Variants in TMC1 observed in about 807,000 individuals in gnomAD.
TMC1 encodes the protein transmembrane channel-like protein 1.
TMC1 carries 84 observed loss-of-function variants against 105.8 expected under a neutral mutation model. The ratio of observed to expected loss-of-function variants is 0.79; its 90% CI spans 0.67 to 0.95. The LOEUF is 0.95. TMC1 is among the 40% of genes least tolerant of loss of function. The pLI, the probability that TMC1 is intolerant of heterozygous loss-of-function variation, is 0.00. For missense variants in TMC1, 817 were observed against 914.1 expected, an observed-to-expected ratio of 0.89 and a Z score of 1.37; for synonymous variants, 315 against 311.5, an observed-to-expected ratio of 1.01 and a Z score of -0.12.
intron 17 of TMC1, among the ~76,000 whole-genome samples, chr9:72,793,480 A>G (rs1023954994): frequency 6.6e-6 from 1 of 152,202 alleles, no homozygotes; most frequent in African/African-American, 2.4e-5. Flanking sequence ...GCAGACCCTG[A>G]GCACAGCATA....
chr9:72,803,137 A>G (rs1390158144), intron 17 of TMC1, among the ~76,000 whole-genome samples: 1 of 152,238 alleles, frequency 6.6e-6, no homozygotes, highest in Non-Finnish European at 1.5e-5. Flanking sequence ...TGGGGAAAGG[A>G]TTCGCTATTT....
intron 2 of TMC1, among the ~76,000 whole-genome samples, chr9:72,589,243 G>A (rs1353988099): frequency 6.6e-6 from 1 of 152,192 alleles, no homozygotes; most frequent in Non-Finnish European, 1.5e-5. Context: ...ACTTGCTAGA[G>A]GCTCAGTGTG....
At chr9:72,559,092 A>G (rs7866304) in intron 1 of TMC1, among the ~76,000 whole-genome samples, 79,668 of 151,048 alleles carry the variant, frequency 0.53, 21,929 homozygotes, top group African/African-American at 0.7. Flanking sequence ...AGCCTGGAAG[A>G]TTTTTCTTTT....
At chr9:72,585,832 G>A (rs1173441927) in intron 2 of TMC1, among the ~76,000 whole-genome samples, 1 of 152,164 alleles carries the variant, frequency 6.6e-6, no homozygotes, top group Admixed American at 6.5e-5. Flanking sequence ...AGAGGTGAGT[G>A]TGGAGTGGAT....
At chr9:72,722,605 A>G (rs945130698) in intron 8 of TMC1, among the ~76,000 whole-genome samples, 3 of 152,208 alleles carry the variant, frequency 2.0e-5, no homozygotes, top group Non-Finnish European at 2.9e-5. Context: ...AACGTATCAC[A>G]TAGCTCTTTA....
chr9:72,799,720 C>T (rs1173120746), intron 17 of TMC1, among the ~76,000 whole-genome samples: 1 of 152,062 alleles, frequency 6.6e-6, no homozygotes, highest in East Asian at 1.9e-4. Context: ...GCTTGTGATT[C>T]AGGATGTGGT....
chr9:72,580,180 C>G (rs2132098134), intron 2 of TMC1, among the ~76,000 whole-genome samples: 1 of 152,254 alleles, frequency 6.6e-6, no homozygotes, highest in South Asian at 2.1e-4. Context: ...GGGTAGGGTC[C>G]AGGAATATGC....
rs182748276 is a variant in TMC1 at position 72,610,003 on chromosome 9, T to G, written c.-305-6365T>G. ...TGTAACTTTTCATTTTTGTTACACATCTATTGACTCTACTGCTCAGTGAAC... is the reference window on the plus strand; with the variant it reads ...TGTAACTTTTCATTTTTGTTACACAGCTATTGACTCTACTGCTCAGTGAAC... On this transcript the variant is annotated intron_variant, in intron 2 of 23. Coordinates refer to ENST00000297784, the MANE Select transcript of TMC1 (RefSeq NM_138691.3). 1.7e-3 allele frequency among the ~76,000 whole-genome samples: 254 copies of G among 152,298 alleles called. 1 individual carries two copies. The highest frequency in any genetic ancestry group is 5.9e-3 in the African/African-American group (246 of 41,562).
intron 8 of TMC1, among the ~76,000 whole-genome samples, chr9:72,734,947 T>A (rs1252807949): frequency 6.6e-6 from 1 of 152,190 alleles, no homozygotes; most frequent in Non-Finnish European, 1.5e-5. Context: ...GTAATCGTGG[T>A]TGTATCATGT....
intron 13 of TMC1, among the ~76,000 whole-genome samples, chr9:72,783,473 A>C (rs534381040): frequency 1.3e-5 from 2 of 152,308 alleles, no homozygotes; most frequent in East Asian, 3.9e-4. Flanking sequence ...TCAGCAAGCC[A>C]GCTTACCCCA....
chr9:72,733,855 T>C (rs911222773), intron 8 of TMC1, among the ~76,000 whole-genome samples: 1 of 152,162 alleles, frequency 6.6e-6, no homozygotes, highest in South Asian at 2.1e-4. Context: ...CTTTTTTTTT[T>C]CTGCCCTCAT....
intron 1 of TMC1, among the ~76,000 whole-genome samples, chr9:72,523,951 A>T (rs1823360017): frequency 6.6e-6 from 1 of 152,234 alleles, no homozygotes; most frequent in Admixed American, 6.5e-5. Flanking sequence ...CTGAAATTGC[A>T]GCCACAAGTC....
intron 1 of TMC1, among the ~76,000 whole-genome samples, chr9:72,545,201 T>C (rs558464920): frequency 4.2e-4 from 58 of 136,788 alleles, no homozygotes; most frequent in South Asian, 2.6e-3. Context: ...TATATACACA[T>C]ATATATATAT....
intron 12 of TMC1, among the ~76,000 whole-genome samples, chr9:72,762,976 T>A (rs1396304936): frequency 6.6e-6 from 1 of 152,186 alleles, no homozygotes. Flanking sequence ...AGTGACTTTA[T>A]GACACAGCTC....
At chr9:72,820,708 G>T in intron 19 of TMC1, 134 bp from the exon 20 acceptor site, 1 of 1,078,972 alleles carries the variant, frequency 9.3e-7, no homozygotes, top group South Asian at 1.3e-5. Context: ...TTTATGAAAA[G>T]GGTTTGTCTG....
At chr9:72,676,187 G>A (rs931171185) in intron 5 of TMC1, among the ~76,000 whole-genome samples, 1 of 152,142 alleles carries the variant, frequency 6.6e-6, no homozygotes, top group Non-Finnish European at 1.5e-5. Context: ...TATCAAGAGA[G>A]TTAATAAATA....
chr9:72,826,394 C>T (rs1345459984), intron 20 of TMC1, among the ~76,000 whole-genome samples: 1 of 152,052 alleles, frequency 6.6e-6, no homozygotes, highest in African/African-American at 2.4e-5. Flanking sequence ...TGAAGGAAGT[C>T]TGGTGGAAAA....
At chr9:72,545,902 TA>T (rs966417189) in intron 1 of TMC1, among the ~76,000 whole-genome samples, 42 of 152,044 alleles carry the variant, frequency 2.8e-4, no homozygotes, top group African/African-American at 9.6e-4. Flanking sequence ...AGATCAATTA[TA>T]GTGGCTTTCA....
chr9:72,608,366 A>G (rs1324232021), intron 2 of TMC1, among the ~76,000 whole-genome samples: 1 of 152,240 alleles, frequency 6.6e-6, no homozygotes, highest in African/African-American at 2.4e-5. Flanking sequence ...AATTTCATTC[A>G]AATTCCATTC....
Sources: allele counts gnomAD v4.1 joint callset (sites outside exome capture counted in the v4.1 genomes callset), GRCh38; gene constraint gnomAD v4.1.1; transcripts MANE v1.5; gene names NCBI Gene and HGNC (gene_info 2026-07-23, HGNC 2026-07-21).